STK10: variants seen among roughly 807,000 people sequenced by gnomAD.
STK10 encodes serine/threonine-protein kinase 10.
Under a neutral mutation model 113.8 loss-of-function variants are expected in STK10, and 78 were observed. The ratio of observed to expected loss-of-function variants is 0.69; its 90% CI spans 0.57 to 0.83. The LOEUF (loss-of-function observed/expected upper bound fraction) is 0.83, where lower values mean the gene tolerates loss of function less well. Ranked by LOEUF, STK10 falls within the 40% of genes least tolerant of loss-of-function variation. The pLI is 0.00. For synonymous variants in STK10, 465 were observed against 494.7 expected (o/e 0.94, Z 0.80); for missense variants, 1,109 against 1,280.1 (o/e 0.87, Z 2.04).
chr5:172,047,704 T>C (rs1767520523), intron 18 of STK10, among the ~76,000 whole-genome samples: 1 of 152,104 alleles, frequency 6.6e-6, no homozygotes, highest in South Asian at 2.1e-4. Flanking sequence ...TGATGTACGA[T>C]GGCAGAACAA....
chr5:172,052,708 G>A (rs1767653169), intron 18 of STK10, among the ~76,000 whole-genome samples: 1 of 152,230 alleles, frequency 6.6e-6, no homozygotes, highest in Admixed American at 6.5e-5. Flanking sequence ...GTCCATGAGA[G>A]GGAGCTAAAC....
At chr5:172,166,395 T>C (rs763794220) in intron 1 of STK10, among the ~76,000 whole-genome samples, 2 of 151,828 alleles carry the variant, frequency 1.3e-5, no homozygotes, top group African/African-American at 4.8e-5. Flanking sequence ...AGGAGATGAG[T>C]TCCCTCTCTC....
chr5:172,048,606 CTGATACCATCCTAGTT>C (rs1166898024), intron 18 of STK10, among the ~76,000 whole-genome samples: 1 of 151,602 alleles, frequency 6.6e-6, no homozygotes, highest in African/African-American at 2.4e-5. Flanking sequence ...CCCCCAACCT[CTGATACCATCCTAGTT>C]CAAGATACCA....
rs988337562 is a variant in STK10 at position 172,120,927 on chromosome 5, T to A, written c.371-3297A>T. ...CCTTATAATGTGTCAGGCATGAGGATAAGGACACGGTGCATACTGTCATTT... is the reference window on the plus strand; with the variant it reads ...CCTTATAATGTGTCAGGCATGAGGAAAAGGACACGGTGCATACTGTCATTT... On this transcript the variant is annotated intron_variant, in intron 3 of 18. Coordinates refer to ENST00000176763, the MANE Select transcript of STK10 (RefSeq NM_005990.4). The surrounding 1 kb of genome is among the most constrained non-coding windows in gnomAD (Gnocchi z 4.0). Among the ~76,000 whole-genome samples the A allele has an allele frequency of 2.6e-5, 4 of 152,134 alleles. No homozygotes were observed. The highest frequency in any genetic ancestry group is 5.9e-5 in the Non-Finnish European group (4 of 68,028).
chr5:172,139,076 T>C (rs1234967154), intron 2 of STK10, among the ~76,000 whole-genome samples: 2 of 152,194 alleles, frequency 1.3e-5, no homozygotes, highest in African/African-American at 2.4e-5. Context: ...CCCAGCTTTA[T>C]GGACCGGAAG....
At position 172,133,228 on chromosome 5, in the gene STK10, A is replaced by C. The variant is rs995804236; in HGVS notation, c.322-5807T>G. Among the ~76,000 whole-genome samples, 1 of 152,124 alleles carries C rather than the reference A, an allele frequency of 6.6e-6. No individual in the cohort carries two copies. Among genetic ancestry groups the C allele is most frequent in the African/African-American group, 2.4e-5 (1 of 41,398 alleles). ...TGTGCGTGTGTGTCTGGGGAGATAC[A>C]CCAAAGGGTTTAAGCAAGAGGTGTT... On this transcript the variant is annotated intron_variant, in intron 2 of 18. Transcript: ENST00000176763. The surrounding 1 kb of genome is among the most constrained non-coding windows in gnomAD (Gnocchi z 4.9).
At chr5:172,064,907 C>G in intron 12 of STK10, 95 bp from the exon 13 acceptor site, 1 of 1,378,594 alleles carries the variant, frequency 7.3e-7, no homozygotes, top group African/African-American at 1.4e-5. Context: ...CCAGAGAAAC[C>G]AAAGAAGAGG....
intron 18 of STK10, among the ~76,000 whole-genome samples, chr5:172,049,084 A>AC (rs997629501): frequency 1.4e-4 from 21 of 149,830 alleles, no homozygotes; most frequent in Admixed American, 5.3e-4. Context: ...TCACTTTGTG[A>AC]CCCCCCCATG....
chr5:172,153,288 A>AAAAGGAAG (rs1554123014), intron 2 of STK10, among the ~76,000 whole-genome samples: 1 of 141,928 alleles, frequency 7.0e-6, no homozygotes, highest in Non-Finnish European at 1.5e-5. Context: ...CTCCATCTCA[A>AAAAGGAAG]AAAGAAAGAA....
Position 172,059,434 on chromosome 5 carries a change from C to CAA in STK10, c.2212+1703_2212+1704dup, listed in dbSNP as rs58446505. On this transcript the variant is annotated intron_variant, in intron 14 of 18. Transcript: ENST00000176763. Reference sequence around the variant, plus strand: ...AGTGAGACAGCGAGACTCTCCATCTCAAAAAAAAAAAAAAAAAAAAAAGCT... The same window carrying CAA: ...AGTGAGACAGCGAGACTCTCCATCTCAAAAAAAAAAAAAAAAAAAAAAAAGCT... 8.3e-3 allele frequency among the ~76,000 whole-genome samples: 467 copies of CAA among 56,416 alleles called. 7 individuals are homozygous for CAA. Among genetic ancestry groups the CAA allele is most frequent in the African/African-American group, 0.017 (311 of 18,562 alleles). 37.0% of individuals were successfully genotyped at this position (56,416 alleles called of 152,430 possible). A position where few individuals can be genotyped will look rare whatever the true frequency, so the allele number is the denominator to read the frequency against.
chr5:172,153,426 A>C (rs938166080), intron 2 of STK10, among the ~76,000 whole-genome samples: 3 of 152,352 alleles, frequency 2.0e-5, no homozygotes, highest in Admixed American at 2.0e-4. Context: ...CAAAAGCAGA[A>C]GTAGTGATAA....
chr5:172,139,493 GAAA>G (rs551856973), intron 2 of STK10, among the ~76,000 whole-genome samples: 7 of 106,582 alleles, frequency 6.6e-5, no homozygotes, highest in African/African-American at 1.6e-4. Flanking sequence ...CCCATCTCTG[GAAA>G]AAAAAAAAAA....
intron 18 of STK10, chr5:172,045,285 G>T: frequency 1.6e-6 from 1 of 612,016 alleles, no homozygotes; most frequent in Non-Finnish European, 3.0e-6. Context: ...ACGGGGCAGG[G>T]AGGAAAAAAA....
At chr5:172,100,354 C>T (rs1001288474) in intron 7 of STK10, among the ~76,000 whole-genome samples, 1 of 152,160 alleles carries the variant, frequency 6.6e-6, no homozygotes, top group East Asian at 1.9e-4. Flanking sequence ...CTGAAAAAGG[C>T]AACCGGCAGC....
At chr5:172,061,944 A>G (rs11949078) in intron 13 of STK10, among the ~76,000 whole-genome samples, 1,748 of 151,832 alleles carry the variant, frequency 0.012, 35 homozygotes, top group African/African-American at 0.04. Flanking sequence ...GGTATATGGT[A>G]GTTCATTATA....
At chr5:172,136,591 C>T (rs562143819) in intron 2 of STK10, among the ~76,000 whole-genome samples, 3 of 143,326 alleles carry the variant, frequency 2.1e-5, no homozygotes, top group Non-Finnish European at 3.1e-5. Flanking sequence ...AGCGAGACTC[C>T]GTCTCAAAAT....
rs1280273225 is a variant in STK10 at position 172,044,820 on chromosome 5, C to A, written c.*62G>T. On this transcript the variant is annotated 3_prime_UTR_variant, in exon 19 of 19. Transcript: ENST00000176763. This position sits in a 1 kb window ranked among gnomAD's most constrained non-coding sequence, Gnocchi z 4.5. ...AAAGGGGTCCTGAGTTACATGTTCA[C>A]AGAGAATGAAGGAGAAGGCCCTGGG... 5 of 1,612,610 alleles carry A rather than the reference C, an allele frequency of 3.1e-6. No homozygotes were observed. In the South Asian group the frequency reaches 4.4e-5, roughly 14 times the overall value.
In STK10 at chr5:172,148,072, A is replaced by G. The variant is rs570998585; in HGVS notation, c.321+8552T>C. ...GCCTGGCTTGGAGTCATACCATGAAAGCCACGAGCAGGTCTGGGACCCTCC... is the reference window on the plus strand; with the variant it reads ...GCCTGGCTTGGAGTCATACCATGAAGGCCACGAGCAGGTCTGGGACCCTCC... On this transcript the variant is annotated intron_variant, in intron 2 of 18. Coordinates refer to ENST00000176763, the MANE Select transcript of STK10 (RefSeq NM_005990.4). 3.9e-5 allele frequency among the ~76,000 whole-genome samples: 6 copies of G among 152,246 alleles called. No homozygotes were observed. The South Asian group carries it at 1.2e-3, about 32-fold the overall frequency.
At chr5:172,180,390 G>T (rs1229015341) in intron 1 of STK10, among the ~76,000 whole-genome samples, 2 of 151,852 alleles carry the variant, frequency 1.3e-5, no homozygotes, top group Non-Finnish European at 2.9e-5. Context: ...ACTTGAACCT[G>T]GGAGGCGGAG....
Sources: allele counts gnomAD v4.1 joint callset (sites outside exome capture counted in the v4.1 genomes callset), GRCh38; gene constraint gnomAD v4.1.1; non-coding constraint Gnocchi (gnomAD v3.1); transcripts MANE v1.5; gene names NCBI Gene and HGNC (gene_info 2026-07-23, HGNC 2026-07-21).